Variants in TRHDE observed in about 807,000 individuals in gnomAD.
The protein encoded by TRHDE is thyrotropin-releasing hormone-degrading ectoenzyme.
Under a neutral mutation model 125.7 loss-of-function variants are expected in TRHDE, and 72 were observed. That is an observed-to-expected ratio of 0.57 (90% CI 0.47 to 0.70). TRHDE has a LOEUF of 0.70. Among genes scored for constraint, TRHDE ranks in the 30% least tolerant of loss-of-function variants. TRHDE has a pLI of 0.00. For synonymous variants in TRHDE, 509 were observed against 509.1 expected, an observed-to-expected ratio of 1.00 and a Z score of 0.00; for missense variants, 1,110 against 1,327.1, an observed-to-expected ratio of 0.84 and a Z score of 2.54.
chr12:72,431,718 T>G (rs1288096674), intron 3 of TRHDE: 1 of 152,330 alleles, frequency 6.6e-6, no homozygotes, highest in Non-Finnish European at 1.5e-5. Context: ...TGTGGCCTAT[T>G]ATCTGTTTAT....
intron 2 of TRHDE, among the ~76,000 whole-genome samples, chr12:72,247,993 C>T (rs1300997626): frequency 6.6e-6 from 1 of 151,994 alleles, no homozygotes; most frequent in African/African-American, 2.4e-5. Flanking sequence ...AATTAATCAT[C>T]TGTCTCAGTG....
chr12:72,660,704 T>C (rs984557425), intron 18 of TRHDE, among the ~76,000 whole-genome samples: 3 of 152,212 alleles, frequency 2.0e-5, no homozygotes, highest in African/African-American at 7.2e-5. Flanking sequence ...TGTATCTAAT[T>C]TGTATTATAA....
At chr12:72,136,683 C>T (rs1404593436) in intron 2 of TRHDE, among the ~76,000 whole-genome samples, 3 of 152,304 alleles carry the variant, frequency 2.0e-5, no homozygotes, top group Non-Finnish European at 2.9e-5. Flanking sequence ...CTACATCCCA[C>T]GGAGAGGGAA....
chr12:72,400,206 A>G (rs1214714876), intron 3 of TRHDE, among the ~76,000 whole-genome samples: 1 of 152,122 alleles, frequency 6.6e-6, no homozygotes, highest in African/African-American at 2.4e-5. Context: ...ATGAATTTTT[A>G]CAGTGAAAAT....
intron 2 of TRHDE, among the ~76,000 whole-genome samples, chr12:72,250,907 A>G (rs1878670602): frequency 6.8e-6 from 1 of 147,488 alleles, no homozygotes; most frequent in Non-Finnish European, 1.5e-5. Context: ...AGATGCTCAG[A>G]TTATCTCAGT....
chr12:72,357,675 T>C (rs985731936), intron 2 of TRHDE, among the ~76,000 whole-genome samples: 2 of 151,472 alleles, frequency 1.3e-5, no homozygotes, highest in East Asian at 1.9e-4. Context: ...ACCATTAGAG[T>C]GTAAATATTA....
At chr12:72,089,498 G>C (rs1484832) in intron 1 of TRHDE, among the ~76,000 whole-genome samples, 106,490 of 152,120 alleles carry the variant, frequency 0.7, 38,925 homozygotes, top group Non-Finnish European at 0.81. Flanking sequence ...ACTTCTTTGG[G>C]TTCCTTGAAC....
At chr12:72,620,565 A>T (rs1261661651) in intron 13 of TRHDE, among the ~76,000 whole-genome samples, 1 of 152,028 alleles carries the variant, frequency 6.6e-6, no homozygotes, top group African/African-American at 2.4e-5. Context: ...CCTTACCTTG[A>T]TACTGACACT....
chr12:72,584,127 C>CA (rs1434574462), intron 12 of TRHDE, among the ~76,000 whole-genome samples: 1 of 151,930 alleles, frequency 6.6e-6, no homozygotes, highest in Non-Finnish European at 1.5e-5. Context: ...AAATCAAAAG[C>CA]AAATTTGTAA....
Position 72,288,095 on chromosome 12 carries a change from C to A in TRHDE, c.1188+1141C>A, listed in dbSNP as rs114194007. Reference sequence around the variant, plus strand: ...TAAATTTTGGGCTTTTCCCCCTGTGCCTTAGGAACTGTGTTTCACCATTTC... The same window carrying A: ...TAAATTTTGGGCTTTTCCCCCTGTGACTTAGGAACTGTGTTTCACCATTTC... On this transcript the variant is annotated intron_variant, in intron 2 of 18. Transcript: ENST00000261180. Among the ~76,000 whole-genome samples the A allele has an allele frequency of 2.2e-3, 338 of 152,072 alleles. 2 individuals are homozygous for A. Among genetic ancestry groups the A allele is most frequent in the African/African-American group, 7.8e-3 (322 of 41,494 alleles).
intron 2 of TRHDE, among the ~76,000 whole-genome samples, chr12:72,361,795 G>A (rs2135752378): frequency 7.1e-6 from 1 of 140,072 alleles, no homozygotes; most frequent in South Asian, 2.4e-4. Context: ...TCCCACCTAT[G>A]AGTGAGAATA....
intron 15 of TRHDE, among the ~76,000 whole-genome samples, chr12:72,646,032 G>T (rs1874266000): frequency 6.6e-6 from 1 of 152,074 alleles, no homozygotes. Context: ...AAGAAAGTAT[G>T]AAACTCACTG....
intron 2 of TRHDE, among the ~76,000 whole-genome samples, chr12:72,217,229 T>C (rs572273721): frequency 1.2e-4 from 19 of 152,320 alleles, no homozygotes; most frequent in South Asian, 2.1e-4. Flanking sequence ...GGCCTAGTAA[T>C]GAACTTTGAT....
chr12:72,410,642 A>T (rs956233426), intron 3 of TRHDE, among the ~76,000 whole-genome samples: 14 of 152,202 alleles, frequency 9.2e-5, no homozygotes, highest in African/African-American at 3.1e-4. Flanking sequence ...ATAGAGGCAG[A>T]AAAACAATAA....
At chr12:72,215,820 G>A (rs1041856960) in intron 2 of TRHDE, among the ~76,000 whole-genome samples, 5 of 152,132 alleles carry the variant, frequency 3.3e-5, no homozygotes, top group Admixed American at 6.6e-5. Flanking sequence ...AGAAATGGTT[G>A]GAGTCTGACA....
chr12:72,121,478 C>A (rs1469370590), intron 2 of TRHDE, among the ~76,000 whole-genome samples: 1 of 152,118 alleles, frequency 6.6e-6, no homozygotes, highest in Non-Finnish European at 1.5e-5. Context: ...CCCTGTGTTG[C>A]TTTCCATTGT....
chr12:72,575,245 CT>C lies in TRHDE; in HGVS notation c.2132-4del. On this transcript the variant is annotated splice_polypyrimidine_tract_variant and intron_variant, in intron 10 of 18. Transcript: ENST00000261180. Reference sequence around the variant, plus strand: ...AAGTTTGAAATCTATCCCAAAAATGCTTTTTTCAGAGCACCACAGAATAACT... The same window carrying C: ...AAGTTTGAAATCTATCCCAAAAATGCTTTTTCAGAGCACCACAGAATAACT... 3 of 1,609,588 alleles carry C rather than the reference CT, an allele frequency of 1.9e-6. No individual in the cohort carries two copies. The highest frequency in any genetic ancestry group is 2.5e-6 in the Non-Finnish European group (3 of 1,178,712).
At chr12:72,466,560 TATATAAA>T (rs1211637261) in intron 3 of TRHDE, among the ~76,000 whole-genome samples, 1 of 152,230 alleles carries the variant, frequency 6.6e-6, no homozygotes, top group Non-Finnish European at 1.5e-5. Context: ...GGTAAAATCT[TATATAAA>T]ATAATATCTA....
chr12:72,385,745 C>T (rs1201167287), intron 3 of TRHDE, among the ~76,000 whole-genome samples: 1 of 152,012 alleles, frequency 6.6e-6, no homozygotes, highest in East Asian at 1.9e-4. Flanking sequence ...GTAGCTATTA[C>T]ATGCTGTATA....
Sources: gnomAD v4.1 joint callset for allele counts (sites outside exome capture counted in the v4.1 genomes callset) on GRCh38, gnomAD v4.1.1 for gene constraint, MANE v1.5 for transcripts, NCBI Gene and HGNC (gene_info 2026-07-23, HGNC 2026-07-21) for gene names.